PACSIN2: variants seen among roughly 807,000 people sequenced by gnomAD.
The protein encoded by PACSIN2 is protein kinase C and casein kinase substrate in neurons protein 2.
A neutral mutation model predicts 63.8 loss-of-function variants in PACSIN2; 25 were observed. That is an observed-to-expected ratio of 0.39 (90% CI 0.29 to 0.55). PACSIN2 has a LOEUF of 0.55. PACSIN2 is among the 20% of genes least tolerant of loss of function. The probability of loss-of-function intolerance (pLI) is 0.62; values close to 1 mark genes in which losing one functional copy is unlikely to be tolerated. For missense variants in PACSIN2, 518 were observed against 646.9 expected (o/e 0.80, Z 2.16); for synonymous variants, 255 against 256.2 (o/e 1.00, Z 0.05).
chr22:42,879,297 C>T, intron 7 of PACSIN2, 128 bp from the exon 8 acceptor site: 2 of 996,634 alleles, frequency 2.0e-6, no homozygotes, highest in East Asian at 2.7e-5. Flanking sequence ...CTCAGGGCCC[C>T]AGCTCTCCCT....
chr22:42,901,663 G>A (rs866253510), intron 2 of PACSIN2, among the ~76,000 whole-genome samples: 4 of 151,968 alleles, frequency 2.6e-5, no homozygotes, highest in South Asian at 2.1e-4. Context: ...TGTGCTCTCC[G>A]CCTGCCACGG....
intron 1 of PACSIN2, among the ~76,000 whole-genome samples, chr22:42,985,122 G>A (rs1174658402): frequency 6.6e-6 from 1 of 152,114 alleles, no homozygotes; most frequent in Non-Finnish European, 1.5e-5. Flanking sequence ...TGAGGTCAGG[G>A]GTTCAAGACC....
chr22:42,904,982 AAGG>A (rs1359346130), intron 2 of PACSIN2, among the ~76,000 whole-genome samples: 1 of 152,248 alleles, frequency 6.6e-6, no homozygotes, highest in Non-Finnish European at 1.5e-5. Flanking sequence ...TCTAAAATGA[AAGG>A]AGATTTGTTA....
At chr22:42,989,327 T>C (rs1922845798) in intron 1 of PACSIN2, among the ~76,000 whole-genome samples, 1 of 151,674 alleles carries the variant, frequency 6.6e-6, no homozygotes. Flanking sequence ...TGAAACCCCA[T>C]CTCTACTAAA....
chr22:42,888,545 C>G, intron 5 of PACSIN2, 98 bp downstream of exon 5: 1 of 1,194,320 alleles, frequency 8.4e-7, no homozygotes, highest in Non-Finnish European at 1.2e-6. Flanking sequence ...ATCCCTCTAT[C>G]CACCCATTCA....
At chr22:43,005,321 T>C (rs1924023573) in intron 1 of PACSIN2, among the ~76,000 whole-genome samples, 1 of 152,142 alleles carries the variant, frequency 6.6e-6, no homozygotes, top group Non-Finnish European at 1.5e-5. Flanking sequence ...CTTTCTAGAA[T>C]CCATCACATT....
At chr22:42,941,075 A>G (rs1933136954) in intron 1 of PACSIN2, among the ~76,000 whole-genome samples, 1 of 152,102 alleles carries the variant, frequency 6.6e-6, no homozygotes. Context: ...CCTGGCAATC[A>G]CTAATCTACT....
chr22:43,011,433 A>G (rs1924481220), intron 1 of PACSIN2, among the ~76,000 whole-genome samples: 1 of 152,202 alleles, frequency 6.6e-6, no homozygotes, highest in Non-Finnish European at 1.5e-5. Context: ...GTGGCCAGAG[A>G]GCATCTGGTA....
chr22:42,872,934 T>G (rs533917762), intron 10 of PACSIN2, among the ~76,000 whole-genome samples: 130 of 152,362 alleles, frequency 8.5e-4, no homozygotes, highest in African/African-American at 3.0e-3. Context: ...GGCGTTTCTT[T>G]TGTCCTGCCT....
At chr22:42,904,767 G>A (rs1930952281) in intron 2 of PACSIN2, among the ~76,000 whole-genome samples, 1 of 152,036 alleles carries the variant, frequency 6.6e-6, no homozygotes, top group South Asian at 2.1e-4. Context: ...CTAGCCCCCT[G>A]CACCCGAATC....
chr22:42,961,692 G>C (rs1934142072), intron 1 of PACSIN2, among the ~76,000 whole-genome samples: 1 of 152,072 alleles, frequency 6.6e-6, no homozygotes, highest in East Asian at 1.9e-4. Context: ...AGAATCGCTT[G>C]ACCCCAGGGA....
chr22:42,893,786 A>G (rs1311215913), intron 2 of PACSIN2, among the ~76,000 whole-genome samples, 173 bp from the exon 3 acceptor site: 3 of 152,152 alleles, frequency 2.0e-5, no homozygotes, highest in African/African-American at 4.8e-5. Flanking sequence ...GAGCCTCTCT[A>G]TTTTTATTAT....
intron 1 of PACSIN2, among the ~76,000 whole-genome samples, chr22:42,957,629 T>A (rs1933968032): frequency 6.6e-6 from 1 of 152,226 alleles, no homozygotes; most frequent in African/African-American, 2.4e-5. Context: ...TTCTCCTTTA[T>A]TTATATTATG....
At chr22:42,873,312 G>C (rs902914387) in intron 10 of PACSIN2, among the ~76,000 whole-genome samples, 23 of 152,068 alleles carry the variant, frequency 1.5e-4, no homozygotes, top group Non-Finnish European at 2.9e-5. Context: ...CAAAGTCGGG[G>C]GTAACAACCC....
At chr22:42,989,867 AATAT>A (rs72245261) in intron 1 of PACSIN2, among the ~76,000 whole-genome samples, 42,003 of 124,884 alleles carry the variant, frequency 0.34, 6,953 homozygotes, top group South Asian at 0.43. Flanking sequence ...GGGAAAAAAA[AATAT>A]ATATATATAT....
At chr22:42,952,000 T>C (rs1933715397) in intron 1 of PACSIN2, among the ~76,000 whole-genome samples, 2 of 152,240 alleles carry the variant, frequency 1.3e-5, no homozygotes, top group Non-Finnish European at 2.9e-5. Context: ...CAGCATCAGA[T>C]ATTTGCTCAA....
At chr22:42,940,740 A>C (rs751408321) in intron 1 of PACSIN2, among the ~76,000 whole-genome samples, 1 of 152,216 alleles carries the variant, frequency 6.6e-6, no homozygotes, top group Non-Finnish European at 1.5e-5. Flanking sequence ...ACAATTTAGG[A>C]GGCTCAAAAA....
At chr22:42,883,060 A>G (rs1405073186) in intron 6 of PACSIN2, among the ~76,000 whole-genome samples, 1 of 152,222 alleles carries the variant, frequency 6.6e-6, no homozygotes, top group Non-Finnish European at 1.5e-5. Flanking sequence ...TAATCAAGCT[A>G]AAATGAGGTC....
intron 1 of PACSIN2, among the ~76,000 whole-genome samples, chr22:42,995,714 GCCTT>G (rs1923349622): frequency 6.6e-6 from 1 of 152,120 alleles, no homozygotes; most frequent in African/African-American, 2.4e-5. Context: ...CCAGACAGAG[GCCTT>G]AAAGCACATT....
Sources: gnomAD v4.1 joint callset for allele counts (sites outside exome capture counted in the v4.1 genomes callset) on GRCh38, gnomAD v4.1.1 for gene constraint, MANE v1.5 for transcripts, NCBI Gene and HGNC (gene_info 2026-07-23, HGNC 2026-07-21) for gene names.